Variants in PPP3CA observed in about 807,000 individuals in gnomAD.
The protein encoded by PPP3CA is protein phosphatase 3 catalytic subunit alpha.
A neutral mutation model predicts 66.5 loss-of-function variants in PPP3CA; 14 were observed. The observed-to-expected ratio is 0.21, with a 90% confidence interval of 0.14 to 0.33. The LOEUF (loss-of-function observed/expected upper bound fraction) is 0.33. PPP3CA is among the 10% of genes least tolerant of loss of function. The pLI is 1.00. For synonymous variants in PPP3CA, 232 were observed against 226.2 expected (o/e 1.03, Z -0.23); for missense variants, 317 against 639.5 (o/e 0.50, Z 5.44).
intron 1 of PPP3CA, among the ~76,000 whole-genome samples, chr4:101,226,607 C>A (rs553030164): frequency 6.6e-6 from 1 of 151,692 alleles, no homozygotes; most frequent in East Asian, 1.9e-4. Flanking sequence ...AAATGCACAA[C>A]TGTGTTTCTT....
chr4:101,086,335 A>C (rs1729673945), intron 6 of PPP3CA, among the ~76,000 whole-genome samples: 1 of 152,182 alleles, frequency 6.6e-6, no homozygotes, highest in Non-Finnish European at 1.5e-5. Context: ...GAATAGGAAC[A>C]AAGATAAGGA....
At chr4:101,335,247 T>C (rs1729587226) in intron 1 of PPP3CA, among the ~76,000 whole-genome samples, 2 of 152,000 alleles carry the variant, frequency 1.3e-5, no homozygotes, top group Non-Finnish European at 2.9e-5. Flanking sequence ...CAACCAATTT[T>C]ACTACATTTG....
intron 2 of PPP3CA, among the ~76,000 whole-genome samples, chr4:101,170,763 ATAAT>A (rs1723852083): frequency 6.6e-6 from 1 of 152,172 alleles, no homozygotes; most frequent in African/African-American, 2.4e-5. Flanking sequence ...TGCCCAGCCT[ATAAT>A]TAATCATTCT....
At chr4:101,327,573 G>C (rs1266873344) in intron 1 of PPP3CA, among the ~76,000 whole-genome samples, 1 of 151,328 alleles carries the variant, frequency 6.6e-6, no homozygotes, top group Non-Finnish European at 1.5e-5. Flanking sequence ...ACTACCACTG[G>C]AATGTTTAAT....
At chr4:101,142,050 TAAAA>T (rs34130592) in intron 2 of PPP3CA, among the ~76,000 whole-genome samples, 3 of 133,114 alleles carry the variant, frequency 2.3e-5, no homozygotes, top group African/African-American at 2.6e-5. Context: ...GGAAACAAGG[TAAAA>T]AAAAAAAAAA....
At chr4:101,189,406 C>T (rs775044192) in intron 2 of PPP3CA, among the ~76,000 whole-genome samples, 43 of 151,954 alleles carry the variant, frequency 2.8e-4, no homozygotes, top group Non-Finnish European at 4.4e-4. Context: ...CAGGACAATA[C>T]AGTTAATGTC....
At chr4:101,041,531 T>G (rs1727521217) in intron 10 of PPP3CA, among the ~76,000 whole-genome samples, 1 of 147,194 alleles carries the variant, frequency 6.8e-6, no homozygotes, top group African/African-American at 2.5e-5. Context: ...GCCTCCCAGG[T>G]TCAAGTGATT....
intron 1 of PPP3CA, among the ~76,000 whole-genome samples, chr4:101,314,610 G>A (rs1200528215): frequency 2.0e-5 from 3 of 146,660 alleles, no homozygotes; most frequent in Non-Finnish European, 4.5e-5. Context: ...TTTTCAAAAT[G>A]GTAACTCTTA....
At chr4:101,301,650 C>T (rs1349559885) in intron 1 of PPP3CA, among the ~76,000 whole-genome samples, 1 of 148,898 alleles carries the variant, frequency 6.7e-6, no homozygotes, top group African/African-American at 2.4e-5. Context: ...CTTGCCACCA[C>T]ACCTGGTTAA....
intron 1 of PPP3CA, among the ~76,000 whole-genome samples, chr4:101,224,595 C>T (rs556549318): frequency 1.3e-5 from 2 of 151,908 alleles, no homozygotes; most frequent in African/African-American, 4.8e-5. Flanking sequence ...TACACTAACA[C>T]ACTGTTGTAT....
rs1723331799 is a variant in PPP3CA, at chr4:101,156,651, C to G, written c.259+39265G>C. Among the ~76,000 whole-genome samples, 3 of 150,678 alleles carry G rather than the reference C, an allele frequency of 2.0e-5. No homozygotes were observed. The South Asian group carries it at 6.3e-4, about 32-fold the overall frequency. On this transcript the variant is annotated intron_variant, in intron 2 of 13. Coordinates refer to ENST00000394854, the MANE Select transcript of PPP3CA (RefSeq NM_000944.5). ...TGCCATTGCACTCCAGCCTGGGCAACAAGAGCGAAACTGTGTCTCAAAAAA... is the reference window on the plus strand; with the variant it reads ...TGCCATTGCACTCCAGCCTGGGCAAGAAGAGCGAAACTGTGTCTCAAAAAA...
At chr4:101,031,502 C>T (rs1726957851) in intron 12 of PPP3CA, among the ~76,000 whole-genome samples, 1 of 151,992 alleles carries the variant, frequency 6.6e-6, no homozygotes. Context: ...TAGCCACTAG[C>T]CTCCTGGCTT....
chr4:101,118,576 T>C (rs1721921845), intron 2 of PPP3CA, among the ~76,000 whole-genome samples: 1 of 152,106 alleles, frequency 6.6e-6, no homozygotes, highest in African/African-American at 2.4e-5. Context: ...GGTTTTTATG[T>C]GTATTCCTCC....
At chr4:101,151,287 G>A (rs934442147) in intron 2 of PPP3CA, among the ~76,000 whole-genome samples, 6 of 151,998 alleles carry the variant, frequency 3.9e-5, no homozygotes, top group Admixed American at 6.6e-5. Context: ...CTCTCAGGCC[G>A]GGCACGGTGG....
intron 11 of PPP3CA, 88 bp from the exon 12 acceptor site, chr4:101,032,452 A>C (rs1484281615): frequency 3.8e-6 from 4 of 1,065,198 alleles, no homozygotes; most frequent in Non-Finnish European, 5.7e-6. Context: ...AATGCATATA[A>C]GCACCCACAT....
At chr4:101,270,128 C>CA (rs1293991865) in intron 1 of PPP3CA, among the ~76,000 whole-genome samples, 2 of 151,986 alleles carry the variant, frequency 1.3e-5, no homozygotes, top group East Asian at 1.9e-4. Flanking sequence ...TTGCAAGAAG[C>CA]AAAAAATTGT....
chr4:101,025,783 T>A lies in PPP3CA; in HGVS notation c.*82A>T. 2.6e-6 allele frequency: 3 copies of A among 1,164,144 alleles called. No individual in the cohort carries two copies. The highest frequency in any genetic ancestry group is 3.5e-6 in the Non-Finnish European group (3 of 859,618). 72.1% of individuals were successfully genotyped at this position (1,164,144 alleles called of 1,614,324 possible). A position where few individuals can be genotyped will look rare whatever the true frequency, so the allele number is the denominator to read the frequency against. ...ACTGTCAGAGGCAAGAACATCCAAC[T>A]GCTGATATGCAGCAATCCCCATCAT... On this transcript the variant is annotated 3_prime_UTR_variant, in exon 14 of 14. Transcript: ENST00000394854.
chr4:101,051,994 C>T (rs981109152), intron 10 of PPP3CA, among the ~76,000 whole-genome samples: 3 of 151,906 alleles, frequency 2.0e-5, no homozygotes, highest in African/African-American at 7.3e-5. Flanking sequence ...TGGACATTAT[C>T]CAGCCAATTA....
intron 1 of PPP3CA, among the ~76,000 whole-genome samples, chr4:101,339,081 G>GT (rs1449944907): frequency 6.6e-6 from 1 of 152,198 alleles, no homozygotes; most frequent in African/African-American, 2.4e-5. Flanking sequence ...CATAGCCCAT[G>GT]TATCTTTCCA....
Sources: gnomAD v4.1 joint callset for allele counts (sites outside exome capture counted in the v4.1 genomes callset) on GRCh38, gnomAD v4.1.1 for gene constraint, MANE v1.5 for transcripts, NCBI Gene and HGNC (gene_info 2026-07-23, HGNC 2026-07-21) for gene names.